The following LFNG variants were observed in gnomAD, a reference collection of about 807,000 sequenced individuals.
The protein encoded by LFNG is LFNG O-fucosylpeptide 3-beta-N-acetylglucosaminyltransferase, also known as beta-1,3-N-acetylglucosaminyltransferase lunatic fringe.
LFNG carries 15 observed loss-of-function variants against 32.7 expected under a neutral mutation model. The observed-to-expected ratio is 0.46, with a 90% CI of 0.31 to 0.71. The LOEUF is 0.71. Among genes scored for constraint, LFNG ranks in the 30% least tolerant of loss-of-function variants. The pLI is 0.06. For missense variants in LFNG, 520 were observed against 545.7 expected (o/e 0.95, Z 0.47); for synonymous variants, 274 against 246.8 (o/e 1.11, Z -1.03).
upstream of LFNG, chr7:2,518,539 C>A: frequency 1.5e-6 from 2 of 1,325,790 alleles, no homozygotes; most frequent in Non-Finnish European, 2.2e-6. Flanking sequence ...GTCCCAAAAC[C>A]TGTTCCAGGT....
At position 2,527,773 on chromosome 7, in the gene LFNG, A is replaced by AC. The variant is rs900227816; in HGVS notation, c.*563dup. On this transcript the variant is annotated 3_prime_UTR_variant, in exon 8 of 8. Transcript: ENST00000222725. The surrounding 1 kb of genome is among the most constrained non-coding windows in gnomAD (Gnocchi z 4.4). ...CTGTGGCTTAAGAGTAACAGCAGCC[A>AC]CCGCCCAGTTCCAGTGGCCCCACGA... 91 of 1,007,224 alleles carry AC rather than the reference A, an allele frequency of 9.0e-5. No individual in the cohort carries two copies. In the African/African-American group the frequency reaches 1.2e-3, roughly 13 times the overall value. 62.4% of individuals were successfully genotyped at this position (1,007,224 alleles called of 1,614,324 possible).
upstream of LFNG, among the ~76,000 whole-genome samples, chr7:2,514,903 CGTCT>C (rs1164202944): frequency 1.3e-5 from 2 of 150,186 alleles, no homozygotes; most frequent in Non-Finnish European, 3.0e-5. Flanking sequence ...TCCATCCATT[CGTCT>C]GTCTGTCCAT....
intron 1 of LFNG, among the ~76,000 whole-genome samples, chr7:2,523,944 T>A (rs1779866430): frequency 6.6e-6 from 1 of 152,170 alleles, no homozygotes; most frequent in African/African-American, 2.4e-5. Context: ...AGGGCAGCTG[T>A]GGGGTGGCTG....
chr7:2,522,352 G>T (rs1332746021), intron 1 of LFNG, among the ~76,000 whole-genome samples: 3 of 152,200 alleles, frequency 2.0e-5, no homozygotes, highest in Non-Finnish European at 4.4e-5. Context: ...AGTGGTGGCT[G>T]GGGGGAGGGT....
upstream of LFNG, among the ~76,000 whole-genome samples, chr7:2,516,331 T>C (rs1041983998): frequency 6.6e-6 from 1 of 152,178 alleles, no homozygotes; most frequent in Non-Finnish European, 1.5e-5. Context: ...GGGTCACCCA[T>C]TATGTCTCCA....
In LFNG at chr7:2,520,152, C is replaced by T. The variant is rs1223478838; in HGVS notation, c.291C>T (p.Arg97=). 1 of 1,453,766 alleles carries T rather than the reference C, an allele frequency of 6.9e-7. No homozygotes were observed. Among genetic ancestry groups the T allele is most frequent in the East Asian group, 3.0e-5 (1 of 33,046 alleles). The allele number at this position is 1,453,766 out of a possible 1,614,324, so 90.1% of individuals were successfully genotyped here. ...DAGPPPGAAP[R]PADGHPRPLA... is the part of the protein sequence containing the mutation. Reference sequence around the variant, plus strand: ...GCCCGCCGCCCGGGGCTGCCCCCCGCCCCGCCGACGGCCACCCGCGCCCCC... The same window carrying T: ...GCCCGCCGCCCGGGGCTGCCCCCCGTCCCGCCGACGGCCACCCGCGCCCCC... Residue 97 remains arginine (R), a synonymous_variant, in exon 1 of 8, where the codon CGC becomes CGT. Coordinates refer to ENST00000222725, the MANE Select transcript of LFNG (RefSeq NM_001040167.2). The surrounding 1 kb of genome is among the most constrained non-coding windows in gnomAD (Gnocchi z 5.0).
At chr7:2,524,793 C>G (rs373918412) in intron 2 of LFNG, 50 bp downstream of exon 2, 952 of 1,493,118 alleles carry the variant, frequency 6.4e-4, no homozygotes, top group Non-Finnish European at 8.3e-4. Context: ...CATCCAGAGC[C>G]GAACGCTCCC....
Position 2,527,590 on chromosome 7 carries a change from C to A in LFNG, c.*378C>A. 8.3e-7 allele frequency: 1 copy of A among 1,198,384 alleles called. No homozygotes were observed. The highest frequency in any genetic ancestry group is 1.1e-6 in the Non-Finnish European group (1 of 950,556). The allele number at this position is 1,198,384 out of a possible 1,614,324, so 74.2% of individuals were successfully genotyped here. The stretch of plus-strand genomic sequence containing the variant: ...GGATGCGATGCGTAGGTGCCTTTCT[C>A]TTCCTGCTGACCACAAGCTCTGTGC... On this transcript the variant is annotated 3_prime_UTR_variant, in exon 8 of 8. Coordinates refer to ENST00000222725, the MANE Select transcript of LFNG (RefSeq NM_001040167.2). This position sits in a 1 kb window ranked among gnomAD's most constrained non-coding sequence, Gnocchi z 4.4.
chr7:2,528,140 CTCGGGG>C lies in LFNG; in HGVS notation c.*931_*936del. The stretch of plus-strand genomic sequence containing the variant: ...TGGATCAGAAAAAACAGAAGCCAAA[CTCGGGG>C]TCATCTTTGTTTTTAAAGCTGAAGT... On this transcript the variant is annotated 3_prime_UTR_variant, in exon 8 of 8. Coordinates refer to ENST00000222725, the MANE Select transcript of LFNG (RefSeq NM_001040167.2). The C allele has an allele frequency of 1.0e-6, 1 of 985,534 alleles. No homozygotes were observed. The highest frequency in any genetic ancestry group is 5.2e-4 in the Middle Eastern group (1 of 1,914). The allele number at this position is 985,534 out of a possible 1,614,324, so 61.0% of individuals were successfully genotyped here.
At chr7:2,522,005 CAA>C (rs1562552373) in intron 1 of LFNG, among the ~76,000 whole-genome samples, 2 of 152,152 alleles carry the variant, frequency 1.3e-5, no homozygotes, top group African/African-American at 4.8e-5. Context: ...ACACAGCAAG[CAA>C]AGACCCCCTT....
At chr7:2,519,766 G>A, upstream of LFNG, 3 of 694,478 alleles carry the variant, frequency 4.3e-6, no homozygotes, top group Non-Finnish European at 5.3e-6. Flanking sequence ...GGACACTGGT[G>A]CTGCGCTGCT....
At chr7:2,512,770 A>AGACATAGGGG in intron 1 of LFNG, 1 of 1,433,908 alleles carries the variant, frequency 7.0e-7, no homozygotes, top group Non-Finnish European at 9.8e-7. Flanking sequence ...GTGAACCTGG[A>AGACATAGGGG]GCCCCCTATG....
intron 5 of LFNG, 39 bp downstream of exon 5, chr7:2,525,809 G>T (rs145854826): frequency 1.3e-6 from 2 of 1,563,368 alleles, no homozygotes; most frequent in Admixed American, 1.7e-5. Context: ...CCGGTCCCAG[G>T]CTCCTCGCCA....
intron 1 of LFNG, among the ~76,000 whole-genome samples, chr7:2,521,499 G>A (rs1281379935): frequency 6.6e-6 from 1 of 152,228 alleles, no homozygotes; most frequent in African/African-American, 2.4e-5. Flanking sequence ...CGTGGGAACC[G>A]CTGCTGGCGT....
rs906794910 is a variant in LFNG at position 2,520,107 on chromosome 7, C to T, written c.246C>T (p.Thr82=). The T allele has an allele frequency of 1.6e-5, 22 of 1,347,694 alleles. No homozygotes were observed. In the African/African-American group the frequency reaches 1.8e-4, roughly 11 times the overall value. 83.5% of individuals were successfully genotyped at this position (1,347,694 alleles called of 1,614,324 possible). ...TGTCCGAGTACTTCAGCCTGCTCAC[C>T]CGCGCGCGCAGAGATGCGGGCCCGC... ...HSLSEYFSLL[T]RARRDAGPPP... Residue 82 remains threonine, a synonymous_variant, in exon 1 of 8, where the codon ACC becomes ACT. Coordinates refer to ENST00000222725, the MANE Select transcript of LFNG (RefSeq NM_001040167.2). The surrounding 1 kb of genome is among the most constrained non-coding windows in gnomAD (Gnocchi z 5.0).
exon 1 of LFNG, chr7:2,512,544 A>C: frequency 1.1e-6 from 1 of 940,004 alleles, no homozygotes; most frequent in Non-Finnish European, 1.7e-6. Context: ...AAGCTGCAAC[A>C]CTGGCAGAGC....
chr7:2,524,660 G>C, intron 1 of LFNG, 35 bp from the exon 2 acceptor site: 1 of 1,563,480 alleles, frequency 6.4e-7, no homozygotes, highest in Non-Finnish European at 8.7e-7. Flanking sequence ...TGGGGATGAA[G>C]GGCTGCCTGC....
At chr7:2,529,028 A>T (rs1190110114), downstream of LFNG, 13 of 433,296 alleles carry the variant, frequency 3.0e-5, no homozygotes, top group Non-Finnish European at 4.1e-6. This position sits in a 1 kb window ranked among gnomAD's most constrained non-coding sequence, Gnocchi z 4.2. Context: ...ATGTGGCCCC[A>T]GGCCCCGACC....
chr7:2,522,978 A>C (rs12700026), intron 1 of LFNG, among the ~76,000 whole-genome samples: 25,605 of 152,090 alleles, frequency 0.17, 2,933 homozygotes, highest in African/African-American at 0.33. Context: ...AGACAGTTCG[A>C]CCGGCACCCC....
Sources: gnomAD v4.1 joint callset for allele counts (sites outside exome capture counted in the v4.1 genomes callset) on GRCh38, gnomAD v4.1.1 for gene constraint, Gnocchi (gnomAD v3.1) non-coding constraint, MANE v1.5 for transcripts, NCBI Gene and HGNC (gene_info 2026-07-23, HGNC 2026-07-21) for gene names.